DMD: variants seen among roughly 807,000 people sequenced by gnomAD.
DMD encodes mutant dystrophin.
Under a neutral mutation model 330.1 loss-of-function variants are expected in DMD, and 63 were observed. The observed-to-expected ratio is 0.19, with a 90% CI of 0.16 to 0.24. The LOEUF is 0.24. DMD is among the 10% of genes least tolerant of loss of function. The pLI, the probability that DMD is intolerant of heterozygous loss-of-function variation, is 1.00. For missense variants in DMD, 3,344 were observed against 2,684.1 expected (o/e 1.25, Z -5.43); for synonymous variants, 1,223 against 959.8 (o/e 1.27, Z -5.07).
At chrX:31,376,500 T>G (rs1001041564) in intron 60 of DMD, among the ~76,000 whole-genome samples, 3 of 111,896 alleles carry the variant, frequency 2.7e-5, no homozygotes, top group African/African-American at 9.8e-5. Flanking sequence ...GGGGAGTTTT[T>G]GTTATTCAGA....
At chrX:32,044,484 C>G (rs776428197) in intron 44 of DMD, among the ~76,000 whole-genome samples, 17 of 109,949 alleles carry the variant, frequency 1.5e-4, no homozygotes, top group African/African-American at 5.6e-4. Flanking sequence ...TGCAGTGGCA[C>G]GATCTCGGCT....
intron 25 of DMD, among the ~76,000 whole-genome samples, chrX:32,455,694 G>T (rs1187854024): frequency 3.6e-5 from 4 of 110,949 alleles, no homozygotes; most frequent in Admixed American, 1.9e-4. Flanking sequence ...AAACCCAAAG[G>T]TGCTTTCATG....
At chrX:32,609,468 A>T (rs778944993) in intron 12 of DMD, among the ~76,000 whole-genome samples, 15 of 110,997 alleles carry the variant, frequency 1.4e-4, no homozygotes, top group African/African-American at 4.9e-4. Flanking sequence ...AGTACAAGAC[A>T]TCGTAAATGA....
At chrX:32,970,186 G>A (rs780683247) in intron 2 of DMD, among the ~76,000 whole-genome samples, 3 of 94,014 alleles carry the variant, frequency 3.2e-5, no homozygotes, top group Non-Finnish European at 6.1e-5. Flanking sequence ...TTTACAGTGT[G>A]TAAAGCAAAG....
intron 56 of DMD, among the ~76,000 whole-genome samples, chrX:31,502,705 A>C (rs2070522105): frequency 8.9e-6 from 1 of 111,905 alleles, no homozygotes; most frequent in South Asian, 3.7e-4. Context: ...AGTTAATAGT[A>C]TATACAATGA....
intron 2 of DMD, among the ~76,000 whole-genome samples, chrX:32,964,647 G>A (rs997813402): frequency 2.7e-5 from 3 of 111,078 alleles, no homozygotes; most frequent in African/African-American, 9.8e-5. Context: ...GGCAGAGGTT[G>A]CAGTGAGCCG....
intron 48 of DMD, among the ~76,000 whole-genome samples, chrX:31,869,009 T>G (rs1285429417): frequency 1.3e-5 from 1 of 75,299 alleles, no homozygotes; most frequent in Non-Finnish European, 2.4e-5. Flanking sequence ...TCCTCTCACC[T>G]TATGTACCAC....
intron 74 of DMD, among the ~76,000 whole-genome samples, chrX:31,155,185 G>A (rs16989402): frequency 0.058 from 6,545 of 112,058 alleles, 314 homozygotes; most frequent in African/African-American, 0.14. Flanking sequence ...TCTAGCAATC[G>A]TAACTATTAT....
At chrX:32,271,804 A>G (rs73619048) in intron 43 of DMD, among the ~76,000 whole-genome samples, 9,873 of 111,590 alleles carry the variant, frequency 0.088, 723 homozygotes, top group East Asian at 0.35. Flanking sequence ...ATCCACACCT[A>G]AAAGTCATGA....
At chrX:32,189,157 C>T (rs191995929) in intron 44 of DMD, among the ~76,000 whole-genome samples, 13 of 110,132 alleles carry the variant, frequency 1.2e-4, no homozygotes, top group East Asian at 1.1e-3. Flanking sequence ...CACAATAATC[C>T]TATTTAACAA....
chrX:32,118,381 C>G (rs902127639), intron 44 of DMD, among the ~76,000 whole-genome samples: 2 of 111,173 alleles, frequency 1.8e-5, no homozygotes, highest in Admixed American at 9.5e-5. Context: ...GAATAGCAGC[C>G]TACAGAGTGA....
At chrX:31,483,076 T>A (rs1244114778) in intron 57 of DMD, among the ~76,000 whole-genome samples, 1 of 92,479 alleles carries the variant, frequency 1.1e-5, no homozygotes. Context: ...AGATGGAGTC[T>A]CGCTCTGTCG....
chrX:31,353,374 GT>G (rs2058520889), intron 60 of DMD, among the ~76,000 whole-genome samples: 1 of 111,720 alleles, frequency 9.0e-6, no homozygotes, highest in Non-Finnish European at 1.9e-5. Flanking sequence ...TCAGTATAGT[GT>G]AAAACAGATT....
chrX:32,583,325 G>C (rs2053868222), intron 13 of DMD, among the ~76,000 whole-genome samples: 1 of 110,939 alleles, frequency 9.0e-6, no homozygotes, highest in Non-Finnish European at 1.9e-5. Flanking sequence ...GTGAAACCCT[G>C]TCTCTACTCA....
chrX:32,647,189 T>A (rs1218006804), intron 9 of DMD, among the ~76,000 whole-genome samples: 2 of 111,427 alleles, frequency 1.8e-5, no homozygotes, highest in African/African-American at 6.5e-5. Context: ...TGTAAATAAT[T>A]TTATTTTTGA....
intron 58 of DMD, 81 bp downstream of exon 58, chrX:31,478,902 C>T (rs774197114): frequency 2.8e-6 from 3 of 1,075,513 alleles, no homozygotes; most frequent in South Asian, 1.9e-5. Flanking sequence ...CTATCCAGAC[C>T]CTGGCAGCAA....
intron 27 of DMD, among the ~76,000 whole-genome samples, chrX:32,441,848 T>G (rs1378089265): frequency 9.0e-6 from 1 of 111,660 alleles, no homozygotes; most frequent in African/African-American, 3.2e-5. Context: ...TTTAGCAATT[T>G]CCTTTTTTTA....
chrX:31,416,819 G>C (rs1398057549), intron 60 of DMD, among the ~76,000 whole-genome samples: 1 of 112,098 alleles, frequency 8.9e-6, no homozygotes, highest in Non-Finnish European at 1.9e-5. Flanking sequence ...TTCACAGCAG[G>C]TGGAATTTGA....
In DMD at chrX:32,281,723, TTTTA is replaced by T. The variant is rs768852780; in HGVS notation, c.6290+5802_6290+5805del. On this transcript the variant is annotated intron_variant, in intron 43 of 78. Transcript: ENST00000357033. ...TACTTTATACAACACTGTGTTCATA[TTTTA>T]TTTTTCAACATTTCCTTTATTTTAT... 1.2e-4 allele frequency among the ~76,000 whole-genome samples: 14 copies of T among 112,517 alleles called. No homozygotes were observed. The Admixed American group carries it at 1.3e-3, about 11-fold the overall frequency.
Sources: gnomAD v4.1 joint callset for allele counts (sites outside exome capture counted in the v4.1 genomes callset) on GRCh38, gnomAD v4.1.1 for gene constraint, MANE v1.5 for transcripts, NCBI Gene and HGNC (gene_info 2026-07-23, HGNC 2026-07-21) for gene names.